SHPRH: variants seen among roughly 807,000 people sequenced by gnomAD.
SHPRH encodes the protein E3 ubiquitin-protein ligase SHPRH.
In SHPRH, 106 loss-of-function variants were observed where a neutral mutation model predicts 202.5. The observed-to-expected ratio is 0.52, with a 90% confidence interval of 0.45 to 0.62. SHPRH has a LOEUF of 0.62. Ranked by LOEUF, SHPRH falls within the 20% of genes least tolerant of loss-of-function variation. The pLI, the probability that SHPRH is intolerant of heterozygous loss-of-function variation, is 0.00. For missense variants in SHPRH, 1,710 were observed against 2,020.0 expected (o/e 0.85, Z 2.94); for synonymous variants, 729 against 686.0 (o/e 1.06, Z -0.98).
rs777708877 is a variant in SHPRH, at chr6:145,922,614, G to A, written c.3719+49C>T. The A allele has an allele frequency of 3.3e-6, 5 of 1,527,642 alleles. No individual in the cohort carries two copies. In the Admixed American group the frequency reaches 1.2e-4, roughly 35 times the overall value. 94.6% of individuals were successfully genotyped at this position (1,527,642 alleles called of 1,614,324 possible). On this transcript the variant is annotated intron_variant, in intron 19 of 29. Transcript: ENST00000275233. ...AATTGTTTCTTCTCTAAGAAATCTA[G>A]CTTAAAGAAATGGTACCATTTCATT...
intron 16 of SHPRH, among the ~76,000 whole-genome samples, chr6:145,925,879 G>C (rs1384338141): frequency 6.6e-6 from 1 of 151,888 alleles, no homozygotes; most frequent in Non-Finnish European, 1.5e-5. Flanking sequence ...TATTTACTAA[G>C]CTACCTCTTT....
chr6:145,926,857 C>T (rs1310627159), intron 15 of SHPRH, among the ~76,000 whole-genome samples: 2 of 151,818 alleles, frequency 1.3e-5, no homozygotes, highest in East Asian at 1.9e-4. Flanking sequence ...TTAATGAAAA[C>T]CATGTGAATA....
At chr6:145,912,468 T>C (rs896181064) in intron 24 of SHPRH, among the ~76,000 whole-genome samples, 1 of 152,166 alleles carries the variant, frequency 6.6e-6, no homozygotes, top group East Asian at 1.9e-4. Context: ...AGTCCAGTTG[T>C]ATAAATCTTA....
At chr6:145,952,248 G>T in intron 3 of SHPRH, 101 bp downstream of exon 3, 1 of 1,033,158 alleles carries the variant, frequency 9.7e-7, no homozygotes, top group Non-Finnish European at 1.4e-6. Flanking sequence ...TTTTTATTAT[G>T]GCTTTATTAG....
rs776336950 is a variant in SHPRH at position 145,954,670 on chromosome 6, C to T, written c.633+20G>A. The T allele has an allele frequency of 6.5e-7, 1 of 1,540,130 alleles. No homozygotes were observed. The highest frequency in any genetic ancestry group is 8.7e-7 in the Non-Finnish European group (1 of 1,149,856). On this transcript the variant is annotated intron_variant, in intron 2 of 29. Coordinates refer to ENST00000275233, the MANE Select transcript of SHPRH (RefSeq NM_001042683.3). The stretch of plus-strand genomic sequence containing the variant: ...CAATGTAGAAGAGCCTCAAAAAAGA[C>T]ACCACAAAAAACTGAGTACCTTGAT...
chr6:145,872,266 G>A (rs1780090251), intron 2 of SHPRH, among the ~76,000 whole-genome samples: 1 of 152,090 alleles, frequency 6.6e-6, no homozygotes, highest in Non-Finnish European at 1.5e-5. Context: ...ACAACCTACA[G>A]AACGGGCGAA....
At chr6:145,950,242 TC>T in intron 4 of SHPRH, 21 bp downstream of exon 4, 1 of 1,607,570 alleles carries the variant, frequency 6.2e-7, no homozygotes, top group Admixed American at 1.7e-5. Flanking sequence ...AATTGGACTT[TC>T]TTTAAACATC....
intron 2 of SHPRH, chr6:145,876,707 C>T (rs965284769): frequency 6.6e-6 from 1 of 152,142 alleles, no homozygotes; most frequent in Non-Finnish European, 1.5e-5. Flanking sequence ...TGTGGCTCCA[C>T]CAAATTCATA....
At chr6:145,881,966 C>G (rs575916124), downstream of SHPRH, among the ~76,000 whole-genome samples, 88 of 151,920 alleles carry the variant, frequency 5.8e-4, no homozygotes, top group Middle Eastern at 6.8e-3. Flanking sequence ...TGTGGTGGTG[C>G]ATGTCTGTAG....
intron 28 of SHPRH, among the ~76,000 whole-genome samples, chr6:145,890,859 C>CAT (rs1781510361): frequency 6.6e-6 from 1 of 152,106 alleles, no homozygotes; most frequent in African/African-American, 2.4e-5. Flanking sequence ...TCTCATACCC[C>CAT]ATGTCTAGTC....
At chr6:145,863,196 G>A (rs1299956515), downstream of SHPRH, among the ~76,000 whole-genome samples, 1 of 152,162 alleles carries the variant, frequency 6.6e-6, no homozygotes, top group Non-Finnish European at 1.5e-5. Context: ...TGTACCCCAA[G>A]TATGAATGAA....
chr6:145,888,107 G>C lies in SHPRH; in HGVS notation c.4875-7C>G, dbSNP rs1420197961. 7 of 1,588,406 alleles carry C rather than the reference G, an allele frequency of 4.4e-6. 1 individual carries two copies. In the South Asian group the frequency reaches 6.7e-5, roughly 15 times the overall value. ...TCTGTGTACAATAGTAGGTCTAAAAGGTACAGAAGAATTTTAAGCTTAAAA... is the reference window on the plus strand; with the variant it reads ...TCTGTGTACAATAGTAGGTCTAAAACGTACAGAAGAATTTTAAGCTTAAAA... On this transcript the variant is annotated splice_polypyrimidine_tract_variant and splice_region_variant and intron_variant, in intron 28 of 29. Coordinates refer to ENST00000275233, the MANE Select transcript of SHPRH (RefSeq NM_001042683.3).
At chr6:145,953,129 A>C (rs1217025945) in intron 2 of SHPRH, among the ~76,000 whole-genome samples, 1 of 152,060 alleles carries the variant, frequency 6.6e-6, no homozygotes, top group African/African-American at 2.4e-5. Context: ...AAAGTTTCTA[A>C]TGGTAGACAC....
chr6:145,925,288 C>T (rs913032586), intron 16 of SHPRH, among the ~76,000 whole-genome samples: 1 of 150,868 alleles, frequency 6.6e-6, no homozygotes, highest in Admixed American at 6.6e-5. Context: ...AATTTTGTTT[C>T]CCCAAAATTC....
At chr6:145,936,319 T>G (rs1786065094) in intron 11 of SHPRH, among the ~76,000 whole-genome samples, 2 of 152,040 alleles carry the variant, frequency 1.3e-5, no homozygotes. Context: ...AGACTATGAG[T>G]GTAATTTTGT....
Position 145,945,586 on chromosome 6 carries a change from C to A in SHPRH, c.1373G>T (p.Gly458Val). The A allele has an allele frequency of 1.2e-6, 2 of 1,612,540 alleles. No individual in the cohort carries two copies. The highest frequency in any genetic ancestry group is 1.7e-6 in the Non-Finnish European group (2 of 1,179,366). Residue 458 changes from glycine (G) to valine (V), a missense_variant, in exon 8 of 30, where the codon GGA becomes GTA. By Grantham distance (109) the Gly-to-Val change is moderately radical. Transcript: ENST00000275233. The part of the protein sequence containing the change: ...TAVKEMNGKK[G>V]VSILSIYKYV... The stretch of plus-strand genomic sequence containing the variant: ...CTTATAGATGGAAAGGATGGACACT[C>A]CTTTTTTTCCATTCATTTCTTTCAC...
chr6:145,873,476 G>C (rs1180004274), intron 2 of SHPRH, among the ~76,000 whole-genome samples: 1 of 152,106 alleles, frequency 6.6e-6, no homozygotes, highest in East Asian at 1.9e-4. Flanking sequence ...TTTATTTTCT[G>C]AAAGTTACAG....
chr6:145,890,958 T>A (rs1431126071), intron 28 of SHPRH, among the ~76,000 whole-genome samples: 1 of 152,058 alleles, frequency 6.6e-6, no homozygotes, highest in East Asian at 1.9e-4. Context: ...CATGGTCAGG[T>A]CACCTTCAGC....
intron 23 of SHPRH, among the ~76,000 whole-genome samples, chr6:145,915,254 CCT>C (rs1783850146): frequency 6.7e-6 from 1 of 150,208 alleles, no homozygotes; most frequent in African/African-American, 2.4e-5. Flanking sequence ...CCTCTGCTTA[CCT>C]CTTTCCTTTG....
Sources: gnomAD v4.1 joint callset for allele counts (sites outside exome capture counted in the v4.1 genomes callset) on GRCh38, gnomAD v4.1.1 for gene constraint, MANE v1.5 for transcripts, NCBI Gene and HGNC (gene_info 2026-07-23, HGNC 2026-07-21) for gene names.